SGTA: variants seen among roughly 807,000 people sequenced by gnomAD.
SGTA encodes small glutamine-rich tetratricopeptide repeat-containing protein alpha.
SGTA carries 22 observed loss-of-function variants against 44.3 expected under a neutral mutation model. The ratio of observed to expected loss-of-function variants is 0.50; its 90% CI spans 0.36 to 0.71. SGTA has a LOEUF of 0.71. Ranked by LOEUF, SGTA falls within the 30% of genes least tolerant of loss-of-function variation. The pLI is 0.00. For missense variants in SGTA, 341 were observed against 435.9 expected (o/e 0.78, Z 1.94); for synonymous variants, 174 against 177.6 (o/e 0.98, Z 0.16).
At position 2,763,646 on chromosome 19, in the gene SGTA, C is replaced by T. The variant is rs537737254; in HGVS notation, c.497+7G>A. ...CTGGAAAGGCGCGGCCGTGGACAGG[C>T]ACTCACCCCATCCTGCCGTAGGCCT... On this transcript the variant is annotated splice_region_variant and intron_variant, in intron 6 of 11. Coordinates refer to ENST00000221566, the MANE Select transcript of SGTA (RefSeq NM_003021.4). The surrounding 1 kb of genome is among the most constrained non-coding windows in gnomAD (Gnocchi z 5.8). 6.2e-7 allele frequency: 1 copy of T among 1,600,936 alleles called. No homozygotes were observed. Among genetic ancestry groups the T allele is most frequent in the East Asian group, 2.2e-5 (1 of 44,750 alleles).
chr19:2,759,777 A>G (rs1242312004), intron 8 of SGTA, among the ~76,000 whole-genome samples: 1 of 152,064 alleles, frequency 6.6e-6, no homozygotes, highest in Non-Finnish European at 1.5e-5. Flanking sequence ...CCTAACCAAC[A>G]TGGTGAAACC....
intron 1 of SGTA, among the ~76,000 whole-genome samples, chr19:2,778,907 G>A (rs1051155825): frequency 6.6e-6 from 1 of 152,210 alleles, no homozygotes; most frequent in Non-Finnish European, 1.5e-5. Flanking sequence ...AGTTTATTCT[G>A]CTGTCCAGTG....
chr19:2,761,135 G>A lies in SGTA; in HGVS notation c.699+325C>T, dbSNP rs1427947282. ...GCGAGGAGGAGCCCACGCCAGGGTG[G>A]GGTGGGGGTGTGACCTCCCTGGGCT... On this transcript the variant is annotated intron_variant, in intron 8 of 11. Transcript: ENST00000221566. This position sits in a 1 kb window ranked among gnomAD's most constrained non-coding sequence, Gnocchi z 5.7. Among the ~76,000 whole-genome samples the A allele has an allele frequency of 1.3e-5, 2 of 152,216 alleles. No homozygotes were observed. The highest frequency in any genetic ancestry group is 2.9e-5 in the Non-Finnish European group (2 of 68,036).
rs538112874 is a variant in SGTA at position 2,768,997 on chromosome 19, G to A, written c.72C>T (p.Leu24=). 4 of 1,613,854 alleles carry A rather than the reference G, an allele frequency of 2.5e-6. No individual in the cohort carries two copies. In the Admixed American group the frequency reaches 5.0e-5, roughly 20 times the overall value. The change falls in exon 2 of 12, where the codon CTC becomes CTT. Residue 24 remains leucine (L), a synonymous_variant. Coordinates refer to ENST00000221566, the MANE Select transcript of SGTA (RefSeq NM_003021.4). The part of the protein sequence containing the change: ...FLHDQLRHGG[L]SSDAQESLEV... ...CCAAGCTCTCCTGAGCATCGGACGA[G>A]AGGCCCCCGTGCCGGAGCTGGTCAT...
intron 4 of SGTA, among the ~76,000 whole-genome samples, chr19:2,766,440 ATTTTTT>A (rs1008641007): frequency 6.7e-6 from 1 of 149,608 alleles, no homozygotes; most frequent in African/African-American, 2.5e-5. Context: ...TTTATTTTTT[ATTTTTT>A]TTTGAGACGG....
Position 2,756,782 on chromosome 19 carries a change from C to G in SGTA, c.*6+555G>C, listed in dbSNP as rs1031258318. Among the ~76,000 whole-genome samples the G allele has an allele frequency of 4.6e-5, 7 of 152,052 alleles. 1 individual carries two copies. Among genetic ancestry groups the G allele is most frequent in the Non-Finnish European group, 1.0e-4 (7 of 68,008 alleles). On this transcript the variant is annotated intron_variant, in intron 11 of 11. Transcript: ENST00000221566. ...AAGGAAACCAAGCCAGCCACGGGCC[C>G]CTGGAACCCATGGGGGACACTGAGT...
rs1263382927 is a variant in SGTA, at chr19:2,757,338, C to T, written c.*5G>A. 1.2e-6 allele frequency: 2 copies of T among 1,600,822 alleles called. No homozygotes were observed. The highest frequency in any genetic ancestry group is 1.7e-5 in the Admixed American group (1 of 59,984). On this transcript the variant is annotated splice_region_variant and 3_prime_UTR_variant, in exon 11 of 12. Coordinates refer to ENST00000221566, the MANE Select transcript of SGTA (RefSeq NM_003021.4). Reference sequence around the variant, plus strand: ...CAGCCCCCGGCCCCATGCACTCACGCAGCGTCACTCCTGCTGGTCGTCGTT... The same window carrying T: ...CAGCCCCCGGCCCCATGCACTCACGTAGCGTCACTCCTGCTGGTCGTCGTT...
rs112035574 is a variant in SGTA at position 2,759,674 on chromosome 19, A to G, written c.700-380T>C. ...CAGTTTTGCTCTATCAATAAATAGCACTGTGGCTGGGCGCGGTGGTTCACG... is the reference window on the plus strand; with the variant it reads ...CAGTTTTGCTCTATCAATAAATAGCGCTGTGGCTGGGCGCGGTGGTTCACG... On this transcript the variant is annotated intron_variant, in intron 8 of 11. Coordinates refer to ENST00000221566, the MANE Select transcript of SGTA (RefSeq NM_003021.4). 530 of 225,256 alleles carry G rather than the reference A, an allele frequency of 2.4e-3. 1 individual carries two copies. The highest frequency in any genetic ancestry group is 0.011 in the African/African-American group (466 of 43,462). The allele number at this position is 225,256 out of a possible 1,614,324, so 14.0% of individuals were successfully genotyped here.
intron 1 of SGTA, among the ~76,000 whole-genome samples, chr19:2,770,947 G>A (rs1915288042): frequency 6.6e-6 from 1 of 152,266 alleles, no homozygotes; most frequent in Non-Finnish European, 1.5e-5. Context: ...TTGTGAGGGA[G>A]AGGCCAGGCG....
At chr19:2,778,496 C>T (rs543517712) in intron 1 of SGTA, among the ~76,000 whole-genome samples, 38 of 136,966 alleles carry the variant, frequency 2.8e-4, no homozygotes, top group African/African-American at 8.9e-4. Flanking sequence ...CCTGGAACAC[C>T]GCCCCCCCCG....
At chr19:2,773,922 G>A (rs1338188379) in intron 1 of SGTA, among the ~76,000 whole-genome samples, 1 of 103,414 alleles carries the variant, frequency 9.7e-6, no homozygotes, top group African/African-American at 6.2e-5. Flanking sequence ...GATGGGTGAC[G>A]CGGCCACACG....
chr19:2,776,579 G>A (rs1213079465), intron 1 of SGTA, among the ~76,000 whole-genome samples: 1 of 152,210 alleles, frequency 6.6e-6, no homozygotes, highest in African/African-American at 2.4e-5. Context: ...TTCAGCCTGG[G>A]GAGATGAGAA....
chr19:2,775,239 T>TGCCCC (rs1341015424), intron 1 of SGTA, among the ~76,000 whole-genome samples: 1 of 152,228 alleles, frequency 6.6e-6, no homozygotes, highest in African/African-American at 2.4e-5. Flanking sequence ...GCGCCTGACC[T>TGCCCC]GCCCCCACAC....
intron 1 of SGTA, among the ~76,000 whole-genome samples, chr19:2,776,149 G>A (rs73920870): frequency 5.1e-4 from 78 of 152,328 alleles, no homozygotes; most frequent in African/African-American, 1.8e-3. Flanking sequence ...GGTTCAGAGA[G>A]CAAACCAGTC....
chr19:2,774,568 A>C (rs982024994), intron 1 of SGTA, among the ~76,000 whole-genome samples: 13 of 152,176 alleles, frequency 8.5e-5, no homozygotes, highest in African/African-American at 2.4e-4. Flanking sequence ...AGAGGCCTTC[A>C]CCTACAACCA....
In SGTA at chr19:2,767,700, A is replaced by G. The variant is rs750274954; in HGVS notation, c.101-14T>C. The G allele has an allele frequency of 3.1e-6, 5 of 1,599,244 alleles. No individual in the cohort carries two copies. Among genetic ancestry groups the G allele is most frequent in the Non-Finnish European group, 3.4e-6 (4 of 1,166,936 alleles). ...ACTGGATGGCGACTGAAGCGGGGAC[A>G]GAGGCGGTCCCATTCATTGCACGCA... On this transcript the variant is annotated splice_polypyrimidine_tract_variant and intron_variant, in intron 2 of 11. Transcript: ENST00000221566. The surrounding 1 kb of genome is among the most constrained non-coding windows in gnomAD (Gnocchi z 7.3).
chr19:2,770,933 C>T (rs892539173), intron 1 of SGTA, among the ~76,000 whole-genome samples: 3 of 152,222 alleles, frequency 2.0e-5, no homozygotes, highest in Non-Finnish European at 2.9e-5. Context: ...TTAAGCCAGC[C>T]GGGTTGTGAG....
rs1201072396 is a variant in SGTA at position 2,765,227 on chromosome 19, G to A, written c.351C>T (p.Ala117=). 1 of 1,614,100 alleles carries A rather than the reference G, an allele frequency of 6.2e-7. No individual in the cohort carries two copies. The highest frequency in any genetic ancestry group is 1.7e-5 in the Admixed American group (1 of 60,032). ...CGGCGTTGGCTGGGTTGAGCTCGATGGCTTTTCCGTAGAAATGCACGGCAG... is the reference window on the plus strand; with the variant it reads ...CGGCGTTGGCTGGGTTGAGCTCGATAGCTTTTCCGTAGAAATGCACGGCAG... The part of the protein sequence containing the change: ...FEAAVHFYGK[A]IELNPANAVY... The change falls in exon 5 of 12, where the codon GCC becomes GCT. Residue 117 remains alanine (A), a synonymous_variant. Coordinates refer to ENST00000221566, the MANE Select transcript of SGTA (RefSeq NM_003021.4). This position sits in a 1 kb window ranked among gnomAD's most constrained non-coding sequence, Gnocchi z 5.5.
At position 2,763,776 on chromosome 19, in the gene SGTA, G is replaced by A; in HGVS notation, c.393-19C>T. 3 of 1,607,390 alleles carry A rather than the reference G, an allele frequency of 1.9e-6. No homozygotes were observed. Among genetic ancestry groups the A allele is most frequent in the East Asian group, 2.2e-5 (1 of 44,720 alleles). ...TGCGGCTCTGGGGAAGAAAAGGCAG[G>A]GCAGGTCCCTCACTGGCGGCTCTGA... is the stretch of plus-strand genomic sequence containing the variant. On this transcript the variant is annotated intron_variant, in intron 5 of 11. Transcript: ENST00000221566. The surrounding 1 kb of genome is among the most constrained non-coding windows in gnomAD (Gnocchi z 5.8).
Sources: gnomAD v4.1 joint callset for allele counts (sites outside exome capture counted in the v4.1 genomes callset) on GRCh38, gnomAD v4.1.1 for gene constraint, Gnocchi (gnomAD v3.1) non-coding constraint, MANE v1.5 for transcripts, NCBI Gene and HGNC (gene_info 2026-07-23, HGNC 2026-07-21) for gene names.